RELN: variants seen among roughly 807,000 people sequenced by gnomAD.
RELN encodes the protein reelin.
RELN carries 108 observed loss-of-function variants against 427.6 expected under a neutral mutation model. That is an observed-to-expected ratio of 0.25 (90% CI 0.22 to 0.30). RELN has a LOEUF of 0.30. RELN is among the 10% of genes least tolerant of loss of function. The probability of loss-of-function intolerance (pLI) is 1.00; values close to 1 mark genes in which losing one functional copy is unlikely to be tolerated. For synonymous variants in RELN, 1,524 were observed against 1,513.4 expected, an observed-to-expected ratio of 1.01 and a Z score of -0.16; for missense variants, 3,715 against 4,302.8, an observed-to-expected ratio of 0.86 and a Z score of 3.82.
At chr7:103,646,777 G>A (rs370602673) in intron 16 of RELN, among the ~76,000 whole-genome samples, 35 of 151,968 alleles carry the variant, frequency 2.3e-4, no homozygotes, top group East Asian at 1.7e-3. Flanking sequence ...TATGAAGTCA[G>A]TATAAACCTG....
chr7:103,986,121 G>A (rs1211058477), intron 1 of RELN, among the ~76,000 whole-genome samples: 1 of 152,200 alleles, frequency 6.6e-6, no homozygotes, highest in South Asian at 2.1e-4. Context: ...ATGATGTATA[G>A]AGACCTCCTT....
intron 12 of RELN, among the ~76,000 whole-genome samples, chr7:103,655,519 G>A (rs1467068944): frequency 6.6e-6 from 1 of 151,994 alleles, no homozygotes; most frequent in Non-Finnish European, 1.5e-5. Flanking sequence ...CTTAGCATTT[G>A]ATATTAAATA....
chr7:103,755,747 C>T (rs532350431), intron 4 of RELN, among the ~76,000 whole-genome samples: 8,338 of 16,222 alleles, frequency 0.51, 320 homozygotes, highest in East Asian at 0.53. Context: ...ACTTGGGAAG[C>T]GGACTTGCAG....
At chr7:103,689,521 A>G (rs2384931) in intron 10 of RELN, among the ~76,000 whole-genome samples, 31,677 of 151,900 alleles carry the variant, frequency 0.21, 3,905 homozygotes, top group South Asian at 0.36. Context: ...ACAAACACAC[A>G]CACACCAAGT....
At chr7:103,882,529 T>C (rs1398824396) in intron 2 of RELN, among the ~76,000 whole-genome samples, 1 of 152,086 alleles carries the variant, frequency 6.6e-6, no homozygotes, top group East Asian at 1.9e-4. Context: ...TTGAAAATCT[T>C]ATCAAAATAG....
chr7:103,864,624 T>A (rs1794150105), intron 2 of RELN, among the ~76,000 whole-genome samples: 1 of 152,154 alleles, frequency 6.6e-6, no homozygotes, highest in Non-Finnish European at 1.5e-5. Context: ...ATGACAGGAT[T>A]TCCTTAAATA....
At chr7:103,978,380 G>A (rs1426819748) in intron 1 of RELN, among the ~76,000 whole-genome samples, 3 of 152,176 alleles carry the variant, frequency 2.0e-5, no homozygotes, top group East Asian at 1.9e-4. Flanking sequence ...GTTCATCCAC[G>A]TTGTCACAAA....
At chr7:103,671,650 T>A (rs1833394939) in intron 11 of RELN, among the ~76,000 whole-genome samples, 1 of 152,096 alleles carries the variant, frequency 6.6e-6, no homozygotes, top group Non-Finnish European at 1.5e-5. Flanking sequence ...TTTCATGCTA[T>A]AATTAATAAA....
chr7:103,496,121 A>C (rs1828833762), intron 56 of RELN, among the ~76,000 whole-genome samples: 1 of 152,182 alleles, frequency 6.6e-6, no homozygotes, highest in South Asian at 2.1e-4. Flanking sequence ...AAGACTATTA[A>C]ATGGTAGTAT....
At position 103,730,689 on chromosome 7, in the gene RELN, C is replaced by T. The variant is rs867290943; in HGVS notation, c.657-2482G>A. Among the ~76,000 whole-genome samples the T allele has an allele frequency of 5.9e-5, 9 of 152,140 alleles. No individual in the cohort carries two copies. The South Asian group carries it at 1.7e-3, about 28-fold the overall frequency. On this transcript the variant is annotated intron_variant, in intron 6 of 64. Transcript: ENST00000428762. ...TCAGATATTACCCACTGTGTGGTTG[C>T]TACCTCCAGAAACAATGGCTTCACC...
chr7:103,979,515 T>C (rs1430096213), intron 1 of RELN, among the ~76,000 whole-genome samples: 1 of 152,256 alleles, frequency 6.6e-6, no homozygotes, highest in Non-Finnish European at 1.5e-5. Context: ...AAAGTGATTT[T>C]TGAAGATCTG....
chr7:103,701,391 C>CATT (rs1396962725), intron 8 of RELN, among the ~76,000 whole-genome samples: 2 of 151,966 alleles, frequency 1.3e-5, no homozygotes, highest in Non-Finnish European at 2.9e-5. Context: ...GTACATAAGT[C>CATT]ATTACATTGA....
rs3216871 is a variant in RELN, at chr7:103,727,921, GAATT to G, written c.753+186_753+189del. ...CATTGATGCTGACAATTTTATTACTGAATTATTTATTTTTACATCCAAAAATAGG... is the reference window on the plus strand; with the variant it reads ...CATTGATGCTGACAATTTTATTACTGATTTATTTTTACATCCAAAAATAGG... On this transcript the variant is annotated intron_variant, in intron 7 of 64. Coordinates refer to ENST00000428762, the MANE Select transcript of RELN (RefSeq NM_005045.4). 0.2 allele frequency among the ~76,000 whole-genome samples: 30,613 copies of G among 151,878 alleles called. 3,633 individuals carry two copies. Among genetic ancestry groups the G allele is most frequent in the South Asian group, 0.37 (1,755 of 4,806 alleles).
intron 6 of RELN, 38 bp downstream of exon 6, chr7:103,749,388 T>C: frequency 6.6e-7 from 1 of 1,516,818 alleles, no homozygotes; most frequent in Non-Finnish European, 9.2e-7. Flanking sequence ...ATTTGTTACA[T>C]TAAGCAAACC....
chr7:103,689,224 C>T (rs2115733481), intron 10 of RELN, among the ~76,000 whole-genome samples: 1 of 152,042 alleles, frequency 6.6e-6, no homozygotes, highest in African/African-American at 2.4e-5. Flanking sequence ...ATCTGGAATT[C>T]TTTGCTATCC....
At chr7:103,835,827 A>T (rs1793386500) in intron 2 of RELN, among the ~76,000 whole-genome samples, 1 of 152,164 alleles carries the variant, frequency 6.6e-6, no homozygotes, top group Non-Finnish European at 1.5e-5. Context: ...GACAGCACCT[A>T]GTACCCTATC....
intron 4 of RELN, among the ~76,000 whole-genome samples, chr7:103,774,296 CAA>C (rs35834080): frequency 0.21 from 25,343 of 121,212 alleles, 2,090 homozygotes; most frequent in Middle Eastern, 0.32. Flanking sequence ...GACTTTGTCT[CAA>C]AAAAAAAAAA....
chr7:103,921,011 T>C (rs769616656), intron 1 of RELN, among the ~76,000 whole-genome samples: 3 of 152,190 alleles, frequency 2.0e-5, no homozygotes, highest in Admixed American at 6.6e-5. Flanking sequence ...AGGTACGTAA[T>C]GCATTCAGAC....
At chr7:103,616,772 G>T (rs1211681743) in intron 20 of RELN, among the ~76,000 whole-genome samples, 1 of 152,046 alleles carries the variant, frequency 6.6e-6, no homozygotes, top group Non-Finnish European at 1.5e-5. Context: ...GAGACATTTT[G>T]ATTTTTAATG....
Sources: gnomAD v4.1 joint callset for allele counts (sites outside exome capture counted in the v4.1 genomes callset) on GRCh38, gnomAD v4.1.1 for gene constraint, MANE v1.5 for transcripts, NCBI Gene and HGNC (gene_info 2026-07-23, HGNC 2026-07-21) for gene names.